The following ANKRD6 variants were observed in gnomAD, a reference collection of about 807,000 sequenced individuals.
The protein encoded by ANKRD6 is ankyrin repeat domain-containing protein 6.
Under a neutral mutation model 82.3 loss-of-function variants are expected in ANKRD6, and 56 were observed. The observed-to-expected ratio is 0.68, with a 90% CI of 0.55 to 0.85. The LOEUF is 0.85. ANKRD6 is among the 40% of genes least tolerant of loss of function. The probability of loss-of-function intolerance (pLI) is 0.00; values close to 1 mark genes in which losing one functional copy is unlikely to be tolerated. For missense variants in ANKRD6, 852 were observed against 907.6 expected (o/e 0.94, Z 0.79); for synonymous variants, 347 against 352.1 (o/e 0.99, Z 0.16).
chr6:89,562,159 T>G (rs1405415578), intron 1 of ANKRD6, among the ~76,000 whole-genome samples: 1 of 152,216 alleles, frequency 6.6e-6, no homozygotes, highest in Non-Finnish European at 1.5e-5. Context: ...CTTACAAGTT[T>G]AGGGCAGTCG....
intron 1 of ANKRD6, among the ~76,000 whole-genome samples, chr6:89,549,385 T>C (rs9451242): frequency 0.31 from 34,660 of 111,440 alleles, 4,602 homozygotes; most frequent in Non-Finnish European, 0.37. Context: ...CCACCCCCAA[T>C]CCCCCACCAC....
chr6:89,527,332 C>G (rs982850345), intron 1 of ANKRD6, among the ~76,000 whole-genome samples: 1 of 152,058 alleles, frequency 6.6e-6, no homozygotes, highest in African/African-American at 2.4e-5. Context: ...CAGTGACTCA[C>G]GCCTGTAATC....
intron 1 of ANKRD6, among the ~76,000 whole-genome samples, chr6:89,473,669 A>G (rs1775728076): frequency 6.6e-6 from 1 of 152,152 alleles, no homozygotes; most frequent in Admixed American, 6.5e-5. Flanking sequence ...TAATGGTGAG[A>G]GTTTAGGCTT....
intron 1 of ANKRD6, among the ~76,000 whole-genome samples, chr6:89,469,843 A>ATT (rs1258567819): frequency 6.6e-6 from 1 of 152,182 alleles, no homozygotes; most frequent in Non-Finnish European, 1.5e-5. Flanking sequence ...TCAGTGTGAC[A>ATT]TTCTCTTCTG....
chr6:89,619,188 CA>C (rs1424210384), intron 9 of ANKRD6, among the ~76,000 whole-genome samples: 1 of 152,046 alleles, frequency 6.6e-6, no homozygotes, highest in East Asian at 1.9e-4. Flanking sequence ...GAGCTCCCGA[CA>C]AAAGAAAGTC....
chr6:89,601,502 AT>A (rs1217097553), intron 3 of ANKRD6: 6 of 152,212 alleles, frequency 3.9e-5, no homozygotes, highest in African/African-American at 1.2e-4. Flanking sequence ...TCCGTGTTAA[AT>A]ATAAAAAGCT....
intron 1 of ANKRD6, among the ~76,000 whole-genome samples, chr6:89,542,438 C>A (rs1032631788): frequency 5.3e-5 from 8 of 152,152 alleles, no homozygotes; most frequent in Non-Finnish European, 2.9e-5. Flanking sequence ...TCATTTATCT[C>A]TATGCTTATT....
chr6:89,543,055 A>G (rs1480849641), intron 1 of ANKRD6, among the ~76,000 whole-genome samples: 5 of 152,208 alleles, frequency 3.3e-5, no homozygotes, highest in Admixed American at 2.0e-4. Flanking sequence ...TTTTTACGGT[A>G]CTTAACATTC....
chr6:89,513,229 T>G (rs1780773335), intron 1 of ANKRD6, among the ~76,000 whole-genome samples: 1 of 152,186 alleles, frequency 6.6e-6, no homozygotes, highest in African/African-American at 2.4e-5. Context: ...TCTTTTAACT[T>G]TCAATTAAAA....
rs542517296 is a variant in ANKRD6, at chr6:89,501,560, A to G, written c.-143-65274A>G. Among the ~76,000 whole-genome samples, 168 of 152,352 alleles carry G rather than the reference A, an allele frequency of 1.1e-3. 3 individuals carry two copies. The highest frequency in any genetic ancestry group is 3.1e-3 in the Admixed American group (47 of 15,304). ...TCACAGCGTGGCTTTTACTCTCTGT[A>G]ACTAATCCACAGCACATCTCTCTGG... On this transcript the variant is annotated intron_variant, in intron 1 of 15. Transcript: ENST00000339746.
intron 9 of ANKRD6, among the ~76,000 whole-genome samples, chr6:89,620,816 A>G (rs1000137178): frequency 6.6e-6 from 1 of 152,140 alleles, no homozygotes; most frequent in African/African-American, 2.4e-5. Flanking sequence ...CTGTAATCCC[A>G]GCACTTTGGG....
chr6:89,529,399 G>C (rs182879501), intron 1 of ANKRD6, among the ~76,000 whole-genome samples: 2 of 152,240 alleles, frequency 1.3e-5, no homozygotes, highest in African/African-American at 2.4e-5. Context: ...TCACCTCTCA[G>C]CCTTTGTAAA....
At chr6:89,502,220 TA>T (rs1779346018) in intron 1 of ANKRD6, among the ~76,000 whole-genome samples, 1 of 152,204 alleles carries the variant, frequency 6.6e-6, no homozygotes, top group African/African-American at 2.4e-5. Context: ...ATTTGAAAAA[TA>T]TTTTTTCAGT....
chr6:89,597,197 T>C (rs1583593518), intron 3 of ANKRD6, among the ~76,000 whole-genome samples: 1 of 152,364 alleles, frequency 6.6e-6, no homozygotes, highest in Non-Finnish European at 1.5e-5. Context: ...TGCTGGGTCA[T>C]CAAAGATGTT....
At chr6:89,495,219 C>T (rs1246141831) in intron 1 of ANKRD6, among the ~76,000 whole-genome samples, 1 of 152,110 alleles carries the variant, frequency 6.6e-6, no homozygotes, top group African/African-American at 2.4e-5. Flanking sequence ...GGCAACAGAG[C>T]GAGACTCCAT....
rs374681275 is a variant in ANKRD6 at position 89,624,681 on chromosome 6, C to T, written c.1361C>T (p.Thr454Ile). 4.6e-5 allele frequency: 74 copies of T among 1,604,046 alleles called. No individual in the cohort carries two copies. Among genetic ancestry groups the T allele is most frequent in the Non-Finnish European group, 6.2e-5 (73 of 1,175,372 alleles). Residue 454 changes from threonine (T) to isoleucine (I), a missense_variant, in exon 13 of 16, where the codon ACC becomes ATC. Transcript: ENST00000339746. ...AAGCTGGGGCAGATGGAGAATAAGA[C>T]CCAGCACCAAGTATGTCATAAGGCC... ...NTKLGQMENKTQHQMRVLDKL... is the reference protein window; with the variant it reads ...NTKLGQMENKIQHQMRVLDKL...
rs969630760 is a variant in ANKRD6, at chr6:89,592,729, G to C, written c.121-3187G>C. Among the ~76,000 whole-genome samples the C allele has an allele frequency of 3.9e-5, 6 of 152,158 alleles. No homozygotes were observed. The East Asian group carries it at 1.2e-3, about 29-fold the overall frequency. On this transcript the variant is annotated intron_variant, in intron 2 of 15. Transcript: ENST00000339746. ...CTGGGAGCTGGGAATTCCATGGTCA[G>C]AGTATCAGGAGGTACTCATGCATCT...
chr6:89,548,798 C>T lies in ANKRD6; in HGVS notation c.-143-18036C>T, dbSNP rs529244520. On this transcript the variant is annotated intron_variant, in intron 1 of 15. Coordinates refer to ENST00000339746, the MANE Select transcript of ANKRD6 (RefSeq NM_001242809.2). The stretch of plus-strand genomic sequence containing the variant: ...GTGTTAGCAAATGAGGGTTACGCAG[C>T]GTCTTAGTGTGTAGGCTGGAAAACA... Among the ~76,000 whole-genome samples, 8 of 152,296 alleles carry T rather than the reference C, an allele frequency of 5.3e-5. No individual in the cohort carries two copies. The South Asian group carries it at 8.3e-4, about 16-fold the overall frequency.
intron 1 of ANKRD6, among the ~76,000 whole-genome samples, chr6:89,511,380 C>T (rs1280665775): frequency 6.6e-6 from 1 of 152,178 alleles, no homozygotes; most frequent in East Asian, 1.9e-4. Context: ...GGATTTTCTA[C>T]CCCTACCTGC....
Sources: allele counts gnomAD v4.1 joint callset (sites outside exome capture counted in the v4.1 genomes callset), GRCh38; gene constraint gnomAD v4.1.1; transcripts MANE v1.5; gene names NCBI Gene and HGNC (gene_info 2026-07-23, HGNC 2026-07-21).